The following CLDN10 variants were observed in gnomAD, a reference collection of about 807,000 sequenced individuals.
CLDN10 encodes the protein claudin-10.
In CLDN10, 15 loss-of-function variants were observed where a neutral mutation model predicts 22.9. The ratio of observed to expected loss-of-function variants is 0.65; its 90% CI spans 0.44 to 1.01. The LOEUF is 1.01. Ranked by LOEUF, CLDN10 falls within the 50% of genes least tolerant of loss-of-function variation. CLDN10 has a pLI of 0.00. For synonymous variants in CLDN10, 114 were observed against 111.4 expected, an observed-to-expected ratio of 1.02 and a Z score of -0.15; for missense variants, 247 against 287.8, an observed-to-expected ratio of 0.86 and a Z score of 1.03.
intron 1 of CLDN10, among the ~76,000 whole-genome samples, chr13:95,503,064 A>C (rs2043002856): frequency 6.6e-6 from 1 of 152,214 alleles, no homozygotes; most frequent in Non-Finnish European, 1.5e-5. Context: ...AAATTTGCTC[A>C]AATGCTTCCT....
At chr13:95,504,336 C>G (rs2043015660) in intron 1 of CLDN10, among the ~76,000 whole-genome samples, 1 of 152,180 alleles carries the variant, frequency 6.6e-6, no homozygotes, top group African/African-American at 2.4e-5. Flanking sequence ...ATCACATTTA[C>G]TAAAATATGA....
At chr13:95,515,956 C>T (rs2043161860) in intron 1 of CLDN10, among the ~76,000 whole-genome samples, 1 of 151,954 alleles carries the variant, frequency 6.6e-6, no homozygotes, top group Admixed American at 6.6e-5. Flanking sequence ...TGCCTGTAAT[C>T]CCAGCTACTC....
intron 1 of CLDN10, among the ~76,000 whole-genome samples, chr13:95,469,251 A>G (rs2042608151): frequency 6.6e-6 from 1 of 152,156 alleles, no homozygotes; most frequent in Admixed American, 6.5e-5. Context: ...GCCAACTATG[A>G]AGGCAGAAAT....
intron 1 of CLDN10, among the ~76,000 whole-genome samples, chr13:95,507,112 T>A (rs950049844): frequency 6.6e-6 from 1 of 152,244 alleles, no homozygotes; most frequent in African/African-American, 2.4e-5. Context: ...AAAGATATAC[T>A]TGCCTTTGAA....
chr13:95,537,834 G>C lies in CLDN10; in HGVS notation c.215-22298G>C, dbSNP rs572415345. Among the ~76,000 whole-genome samples, 30 of 152,310 alleles carry C rather than the reference G, an allele frequency of 2.0e-4. No homozygotes were observed. The South Asian group carries it at 6.2e-3, about 32-fold the overall frequency. The stretch of plus-strand genomic sequence containing the variant: ...TAACAAACACTCACCGGGGTAATTT[G>C]GATTGGCTTCCAGCCCCTAAAAGTG... On this transcript the variant is annotated intron_variant, in intron 1 of 4. Coordinates refer to the CLDN10 transcript ENST00000376873.
chr13:95,434,129 CTGT>C (rs2042240095), intron 1 of CLDN10: 1 of 1,245,132 alleles, frequency 8.0e-7, no homozygotes, highest in Non-Finnish European at 1.2e-6. Context: ...CTATGGCTGG[CTGT>C]TAACTCTCTG....
chr13:95,545,309 C>T (rs561972978), intron 1 of CLDN10, among the ~76,000 whole-genome samples: 23 of 151,594 alleles, frequency 1.5e-4, no homozygotes, highest in Non-Finnish European at 2.9e-4. Flanking sequence ...TTTGGGAGGC[C>T]AAGGCAGGCA....
chr13:95,459,713 C>T (rs2042516828), intron 1 of CLDN10, among the ~76,000 whole-genome samples: 1 of 152,192 alleles, frequency 6.6e-6, no homozygotes, highest in Non-Finnish European at 1.5e-5. Context: ...TCTGACATGC[C>T]CTGGAGACAT....
chr13:95,577,174 A>ATACTGT, intron 3 of CLDN10, 57 bp from the exon 4 acceptor site: 1 of 1,180,552 alleles, frequency 8.5e-7, no homozygotes, highest in Non-Finnish European at 1.3e-6. Context: ...TCAGTGTTAA[A>ATACTGT]TACTGTTTAC....
At chr13:95,566,928 T>C (rs942171211) in intron 3 of CLDN10, among the ~76,000 whole-genome samples, 2 of 152,200 alleles carry the variant, frequency 1.3e-5, no homozygotes, top group Non-Finnish European at 2.9e-5. Context: ...ATCAGATGGT[T>C]GTAGATGTGT....
At chr13:95,558,332 C>T (rs950227788) in intron 1 of CLDN10, among the ~76,000 whole-genome samples, 1 of 152,122 alleles carries the variant, frequency 6.6e-6, no homozygotes, top group Non-Finnish European at 1.5e-5. Flanking sequence ...ACAGCTGGTT[C>T]AGCATTTGGC....
At chr13:95,516,980 TTCCTTCCTTCCTTC>T (rs1566312293) in intron 1 of CLDN10, among the ~76,000 whole-genome samples, 10 of 10,296 alleles carry the variant, frequency 9.7e-4, no homozygotes, top group African/African-American at 1.6e-3. Context: ...CCTTCCTTCC[TTCCTTCCTTCCTTC>T]CTTCCTTCCT....
rs547570759 is a variant in CLDN10, at chr13:95,478,060, C to T, written c.214+44013C>T. On this transcript the variant is annotated intron_variant, in intron 1 of 4. Coordinates refer to the CLDN10 transcript ENST00000376873. The stretch of plus-strand genomic sequence containing the variant: ...GTGGCTCATGCCTATAATTCCAGCA[C>T]TTTGGGAGGCTGAGGCTGGCAGATC... 6.1e-4 allele frequency among the ~76,000 whole-genome samples: 93 copies of T among 152,302 alleles called. 1 individual carries two copies. In the South Asian group the frequency reaches 0.017, roughly 27 times the overall value.
intron 1 of CLDN10, among the ~76,000 whole-genome samples, chr13:95,473,197 T>C (rs1030116768): frequency 2.0e-5 from 3 of 149,330 alleles, no homozygotes; most frequent in South Asian, 2.1e-4. Context: ...TCTTTGGGCA[T>C]TGGGTTCCTC....
intron 1 of CLDN10, among the ~76,000 whole-genome samples, chr13:95,558,201 T>C (rs79395376): frequency 0.01 from 1,570 of 152,250 alleles, 30 homozygotes; most frequent in African/African-American, 0.036. Flanking sequence ...ATGAACCAGT[T>C]TGGGTTATCC....
intron 1 of CLDN10, among the ~76,000 whole-genome samples, chr13:95,480,173 C>T (rs2042729878): frequency 1.3e-5 from 2 of 151,718 alleles, no homozygotes; most frequent in Non-Finnish European, 2.9e-5. Context: ...ATCACAAAAA[C>T]AGCATGGGAA....
upstream of CLDN10, among the ~76,000 whole-genome samples, chr13:95,548,753 T>C (rs915089550): frequency 1.3e-5 from 2 of 152,224 alleles, no homozygotes; most frequent in African/African-American, 4.8e-5. Context: ...TTGTTTTTTT[T>C]AGTTAATACC....
rs140951589 is a variant in CLDN10 at position 95,506,149 on chromosome 13, A to AGT, written c.215-53971_215-53970dup. ...AGGAATGTCTGCAGCTGCTGATGCT[A>AGT]GTGTGTGTGTGTGCCTGTGTGTGTG... On this transcript the variant is annotated intron_variant, in intron 1 of 4. Transcript: ENST00000376873. Among the ~76,000 whole-genome samples the AGT allele has an allele frequency of 4.0e-5, 6 of 151,896 alleles. No homozygotes were observed. In the South Asian group the frequency reaches 1.0e-3, roughly 26 times the overall value.
At chr13:95,444,740 C>T (rs920432485) in intron 1 of CLDN10, among the ~76,000 whole-genome samples, 5 of 152,120 alleles carry the variant, frequency 3.3e-5, no homozygotes, top group African/African-American at 1.2e-4. Flanking sequence ...GCTCCCTCAT[C>T]TATTTTTTGT....
Sources: allele counts gnomAD v4.1 joint callset (sites outside exome capture counted in the v4.1 genomes callset), GRCh38; gene constraint gnomAD v4.1.1; transcripts MANE v1.5; gene names NCBI Gene and HGNC (gene_info 2026-07-23, HGNC 2026-07-21).